The following ROCK1 variants were observed in gnomAD, a reference collection of about 807,000 sequenced individuals.
ROCK1 encodes the protein Rho associated coiled-coil containing protein kinase 1.
Under a neutral mutation model 196.8 loss-of-function variants are expected in ROCK1, and 36 were observed. The ratio of observed to expected loss-of-function variants is 0.18; its 90% CI spans 0.14 to 0.24. ROCK1 has a LOEUF of 0.24. Among genes scored for constraint, ROCK1 ranks in the 10% least tolerant of loss-of-function variants. The probability of loss-of-function intolerance (pLI) is 1.00; values close to 1 mark genes in which losing one functional copy is unlikely to be tolerated. For synonymous variants in ROCK1, 443 were observed against 515.9 expected, an observed-to-expected ratio of 0.86 and a Z score of 1.91; for missense variants, 920 against 1,562.0, an observed-to-expected ratio of 0.59 and a Z score of 6.93.
At chr18:21,104,202 G>A (rs1166544949) in intron 1 of ROCK1, among the ~76,000 whole-genome samples, 1 of 152,070 alleles carries the variant, frequency 6.6e-6, no homozygotes, top group Non-Finnish European at 1.5e-5. Context: ...ACTTATAATC[G>A]TGAAGCAAAA....
At chr18:21,082,349 C>T (rs2036489466) in intron 1 of ROCK1, among the ~76,000 whole-genome samples, 1 of 152,102 alleles carries the variant, frequency 6.6e-6, no homozygotes, top group African/African-American at 2.4e-5. Flanking sequence ...TGCAGCACTG[C>T]CCTGATAGCA....
rs71269004 is a variant in ROCK1 at position 21,033,854 on chromosome 18, TAAA to T, written c.1052-4922_1052-4920del. ...TAACTCAGTGAAACCCCGTTTCTAC[TAAA>T]AAAAAAAAAAAAAAAAAAAAAAAAA... On this transcript the variant is annotated intron_variant, in intron 9 of 32. Transcript: ENST00000399799. Among the ~76,000 whole-genome samples, 321 of 33,416 alleles carry T rather than the reference TAAA, an allele frequency of 9.6e-3. 2 individuals carry two copies. The highest frequency in any genetic ancestry group is 0.022 in the African/African-American group (203 of 9,288). The allele number at this position is 33,416 out of a possible 152,430, so 21.9% of individuals were successfully genotyped here. A position where few individuals can be genotyped will look rare whatever the true frequency, so the allele number is the denominator to read the frequency against.
Position 21,046,559 on chromosome 18 carries a change from G to A in ROCK1, c.415-1092C>T, listed in dbSNP as rs192136925. ...GCAGTAATAGCTAACACAGAAGTAGGAGGAAGGCAGCAGCTAGGGTTCAAA... is the reference window on the plus strand; with the variant it reads ...GCAGTAATAGCTAACACAGAAGTAGAAGGAAGGCAGCAGCTAGGGTTCAAA... On this transcript the variant is annotated intron_variant, in intron 4 of 32. Coordinates refer to ENST00000399799, the MANE Select transcript of ROCK1 (RefSeq NM_005406.3). 1.1e-3 allele frequency among the ~76,000 whole-genome samples: 168 copies of A among 152,308 alleles called. 1 individual carries two copies. Among genetic ancestry groups the A allele is most frequent in the Admixed American group, 2.9e-3 (45 of 15,302 alleles).
chr18:21,106,310 T>C (rs1458281199), intron 1 of ROCK1, among the ~76,000 whole-genome samples: 2 of 152,198 alleles, frequency 1.3e-5, no homozygotes, highest in Non-Finnish European at 2.9e-5. Context: ...TTTTTGTTTT[T>C]CCTTTTTTTT....
chr18:21,025,535 G>T (rs1348431252), intron 10 of ROCK1, among the ~76,000 whole-genome samples: 2 of 151,982 alleles, frequency 1.3e-5, no homozygotes, highest in Admixed American at 6.6e-5. Flanking sequence ...GACCAGCCTG[G>T]CCAACAGCCT....
At chr18:20,953,231 T>C (rs987156661) in intron 32 of ROCK1, 7 of 182,740 alleles carry the variant, frequency 3.8e-5, no homozygotes, top group Admixed American at 3.0e-4. Context: ...AGAAAAACTA[T>C]GCCAACACAG....
chr18:21,024,874 A>C (rs1475059955), intron 10 of ROCK1, among the ~76,000 whole-genome samples: 1 of 152,222 alleles, frequency 6.6e-6, no homozygotes, highest in African/African-American at 2.4e-5. Context: ...GACAAATTCT[A>C]GGTGTGGTGC....
At chr18:20,976,480 G>A (rs1350325453) in intron 22 of ROCK1, among the ~76,000 whole-genome samples, 2 of 152,036 alleles carry the variant, frequency 1.3e-5, no homozygotes, top group Non-Finnish European at 2.9e-5. Flanking sequence ...CTGACATACT[G>A]GGCCAGTGTT....
chr18:20,967,124 C>A, intron 26 of ROCK1, 48 bp from the exon 27 acceptor site: 1 of 1,242,702 alleles, frequency 8.0e-7, no homozygotes, highest in South Asian at 1.3e-5. Flanking sequence ...AAAACAATTT[C>A]CAACATTACT....
chr18:21,097,310 G>GT (rs1327195189), intron 1 of ROCK1, among the ~76,000 whole-genome samples: 1 of 152,146 alleles, frequency 6.6e-6, no homozygotes, highest in Non-Finnish European at 1.5e-5. Flanking sequence ...GTAACAAAAA[G>GT]TAAAGATCAG....
At chr18:21,000,298 G>T (rs1318941184) in intron 16 of ROCK1, among the ~76,000 whole-genome samples, 3 of 151,436 alleles carry the variant, frequency 2.0e-5, no homozygotes, top group Non-Finnish European at 4.4e-5. Flanking sequence ...GTCTCACTGT[G>T]TTCGCCCATG....
intron 1 of ROCK1, among the ~76,000 whole-genome samples, chr18:21,078,349 C>A (rs866910003): frequency 4.2e-5 from 6 of 141,282 alleles, no homozygotes; most frequent in African/African-American, 1.7e-4. Flanking sequence ...CCTACACACA[C>A]ACACACACAC....
At chr18:21,068,669 G>T (rs2036357809) in intron 2 of ROCK1, among the ~76,000 whole-genome samples, 1 of 152,002 alleles carries the variant, frequency 6.6e-6, no homozygotes, top group Non-Finnish European at 1.5e-5. Context: ...CAGTAAACAG[G>T]TTTACACATA....
chr18:21,053,831 G>A (rs1358541636), intron 2 of ROCK1, among the ~76,000 whole-genome samples: 1 of 151,580 alleles, frequency 6.6e-6, no homozygotes, highest in African/African-American at 2.4e-5. Context: ...TCTTTTAGGG[G>A]AGGGAAAAAA....
intron 2 of ROCK1, among the ~76,000 whole-genome samples, chr18:21,061,861 T>C (rs4800112): frequency 0.023 from 3,547 of 152,274 alleles, 141 homozygotes; most frequent in African/African-American, 0.081. Flanking sequence ...ACATGAATAT[T>C]AGGGTTGAGT....
chr18:20,986,918 T>C (rs2035582918), intron 19 of ROCK1, 32 bp downstream of exon 19: 4 of 1,543,722 alleles, frequency 2.6e-6, no homozygotes, highest in South Asian at 1.2e-5. Flanking sequence ...TCTCTTTTAA[T>C]AGATGAACAA....
At chr18:21,058,354 G>C (rs1238281646) in intron 2 of ROCK1, among the ~76,000 whole-genome samples, 1 of 151,918 alleles carries the variant, frequency 6.6e-6, no homozygotes, top group East Asian at 1.9e-4. Context: ...TGTACCACTA[G>C]AGATTCTAAG....
chr18:20,987,993 T>A (rs8089751), intron 18 of ROCK1, among the ~76,000 whole-genome samples: 1,538 of 152,222 alleles, frequency 0.01, 19 homozygotes, highest in African/African-American at 0.036. Flanking sequence ...CTTATTAAAG[T>A]TAACATATCC....
chr18:21,042,387 A>T, intron 7 of ROCK1, 152 bp from the exon 8 acceptor site: 1 of 981,428 alleles, frequency 1.0e-6, no homozygotes, highest in Non-Finnish European at 1.5e-6. Flanking sequence ...ACACATCACA[A>T]AGTTGCTCTA....
Sources: gnomAD v4.1 joint callset for allele counts (sites outside exome capture counted in the v4.1 genomes callset) on GRCh38, gnomAD v4.1.1 for gene constraint, MANE v1.5 for transcripts, NCBI Gene and HGNC (gene_info 2026-07-23, HGNC 2026-07-21) for gene names.